MAF: variants seen among roughly 807,000 people sequenced by gnomAD.
MAF encodes the protein transcription factor Maf.
Under a neutral mutation model 22.0 loss-of-function variants are expected in MAF, and 10 were observed. The ratio of observed to expected loss-of-function variants is 0.45; its 90% CI spans 0.28 to 0.77. MAF has a LOEUF of 0.77. Among genes scored for constraint, MAF ranks in the 30% least tolerant of loss-of-function variants. The pLI is 0.12. For missense variants in MAF, 544 were observed against 548.4 expected (o/e 0.99, Z 0.08); for synonymous variants, 337 against 255.8 (o/e 1.32, Z -3.03).
At chr16:79,252,088 G>T in the MAF span, among the ~76,000 whole-genome samples, 8 of 152,236 alleles carry the variant, frequency 5.3e-5, no homozygotes, top group African/African-American at 1.7e-4. Flanking sequence ...ATATTAGAAA[G>T]AAACATTTGG....
At chr16:79,294,340 C>G in the MAF span, among the ~76,000 whole-genome samples, 1 of 152,120 alleles carries the variant, frequency 6.6e-6, no homozygotes, top group Non-Finnish European at 1.5e-5. Context: ...GTTAAACTGT[C>G]TATAAAAGAC....
the MAF span, among the ~76,000 whole-genome samples, chr16:79,327,266 C>G: frequency 6.6e-6 from 1 of 152,194 alleles, no homozygotes; most frequent in South Asian, 2.1e-4. Context: ...AACTAGTTCC[C>G]AGGCTTGGCA....
the MAF span, chr16:79,202,714 C>T: frequency 6.6e-6 from 1 of 152,272 alleles, no homozygotes; most frequent in East Asian, 1.9e-4. Context: ...TACATGCCTT[C>T]ATATTATAAA....
At chr16:79,321,348 T>C in the MAF span, among the ~76,000 whole-genome samples, 3 of 152,208 alleles carry the variant, frequency 2.0e-5, no homozygotes, top group Non-Finnish European at 4.4e-5. Flanking sequence ...AGATGCCCAG[T>C]TAAATTTGAA....
chr16:79,551,010 C>T, the MAF span, among the ~76,000 whole-genome samples: 2 of 152,128 alleles, frequency 1.3e-5, no homozygotes, highest in Admixed American at 6.5e-5. Flanking sequence ...CAGAGATCCC[C>T]CGCATGGGGA....
chr16:79,598,840 C>T lies in MAF; in HGVS notation c.1063G>A (p.Gly355Ser). The T allele has an allele frequency of 6.2e-7, 1 of 1,613,830 alleles. No homozygotes were observed. The highest frequency in any genetic ancestry group is 8.5e-7 in the Non-Finnish European group (1 of 1,180,002). Reference sequence around the variant, plus strand: ...CTGCTCGAGCCGTTTTCTCGGAAGCCGCTGCTCACCAACTTCTCGTATTTC... The same window carrying T: ...CTGCTCGAGCCGTTTTCTCGGAAGCTGCTGCTCACCAACTTCTCGTATTTC... ...KEKYEKLVSS[G>S]FRENGSSSDN... Residue 355 changes from glycine to serine, a missense_variant, in exon 1 of 2, where the codon GGC (glycine) becomes AGC (serine). Gly to Ser is a moderately conservative substitution (Grantham distance 56). Coordinates refer to ENST00000326043, the MANE Select transcript of MAF (RefSeq NM_005360.5).
At chr16:79,406,486 C>T in the MAF span, among the ~76,000 whole-genome samples, 1 of 152,150 alleles carries the variant, frequency 6.6e-6, no homozygotes, top group Non-Finnish European at 1.5e-5. Context: ...GGTTCAGGTT[C>T]ATAGATGGTG....
chr16:79,358,442 A>G, the MAF span, among the ~76,000 whole-genome samples: 1 of 152,088 alleles, frequency 6.6e-6, no homozygotes, highest in Admixed American at 6.5e-5. Flanking sequence ...GATGACGTTC[A>G]TTTGGGAGAA....
chr16:79,538,217 C>T, the MAF span, among the ~76,000 whole-genome samples: 5 of 152,182 alleles, frequency 3.3e-5, no homozygotes, highest in East Asian at 9.7e-4. Flanking sequence ...TAAGAATCAA[C>T]AAATAAATAG....
chr16:79,238,773 G>T, the MAF span, among the ~76,000 whole-genome samples: 2 of 151,934 alleles, frequency 1.3e-5, no homozygotes, highest in Non-Finnish European at 2.9e-5. Context: ...AAATGGGTAG[G>T]CTGTATTTTT....
chr16:79,243,789 C>G, the MAF span, among the ~76,000 whole-genome samples: 452 of 152,132 alleles, frequency 3.0e-3, 10 homozygotes, highest in Admixed American at 0.023. Context: ...GCCAATATCC[C>G]TGATGAACAT....
the MAF span, among the ~76,000 whole-genome samples, chr16:79,220,744 A>G: frequency 6.6e-6 from 1 of 152,196 alleles, no homozygotes; most frequent in Admixed American, 6.5e-5. Context: ...GGCTCTGGGT[A>G]GTTACTGGCA....
At chr16:79,526,221 T>A in the MAF span, among the ~76,000 whole-genome samples, 1 of 152,224 alleles carries the variant, frequency 6.6e-6, no homozygotes, top group South Asian at 2.1e-4. Context: ...AATTTTTCCA[T>A]GGATGGGTGT....
At chr16:79,368,173 T>C in the MAF span, among the ~76,000 whole-genome samples, 6 of 152,278 alleles carry the variant, frequency 3.9e-5, no homozygotes, top group African/African-American at 9.6e-5. Context: ...GGGAATTATT[T>C]GGAGGGCCAG....
the MAF span, among the ~76,000 whole-genome samples, chr16:79,394,697 G>C: frequency 6.6e-6 from 1 of 152,110 alleles, no homozygotes; most frequent in Non-Finnish European, 1.5e-5. Context: ...CACTGGAATC[G>C]CTGGGGCACC....
At chr16:79,467,936 T>TG in the MAF span, among the ~76,000 whole-genome samples, 15 of 141,152 alleles carry the variant, frequency 1.1e-4, no homozygotes, top group African/African-American at 3.8e-4. Context: ...GGGGTGGTGG[T>TG]CGTGGGGGGG....
chr16:79,335,522 G>A, the MAF span, among the ~76,000 whole-genome samples: 10 of 152,198 alleles, frequency 6.6e-5, no homozygotes, highest in Admixed American at 5.2e-4. Flanking sequence ...AAATGGCATG[G>A]GTAGGAACGG....
At chr16:79,506,324 G>A in the MAF span, among the ~76,000 whole-genome samples, 1 of 152,144 alleles carries the variant, frequency 6.6e-6, no homozygotes. Context: ...AAGGCCTTGG[G>A]TTCCTTTGCC....
chr16:79,319,188 G>A, the MAF span, among the ~76,000 whole-genome samples: 1 of 152,116 alleles, frequency 6.6e-6, no homozygotes, highest in Non-Finnish European at 1.5e-5. Flanking sequence ...TTGGGGAGGT[G>A]GGGGGAGGTC....
Sources: allele counts gnomAD v4.1 joint callset (sites outside exome capture counted in the v4.1 genomes callset), GRCh38; gene constraint gnomAD v4.1.1; transcripts MANE v1.5; gene names NCBI Gene and HGNC (gene_info 2026-07-23, HGNC 2026-07-21).